Variants in BLTP3A observed in about 807,000 individuals in gnomAD.
BLTP3A encodes bridge-like lipid transfer protein family member 3A, also known as ICBP90 binding protein 1.
the BLTP3A span, among the ~76,000 whole-genome samples, chr6:34,860,802 C>T: frequency 1.3e-5 from 2 of 152,108 alleles, no homozygotes; most frequent in Non-Finnish European, 2.9e-5. Flanking sequence ...GCTGCCTTTT[C>T]TAAATGGAGA....
chr6:34,847,708 T>C, the BLTP3A span, among the ~76,000 whole-genome samples: 1 of 151,688 alleles, frequency 6.6e-6, no homozygotes. Flanking sequence ...GGGAAAAGTT[T>C]GTCAATTTTG....
At chr6:34,819,616 A>G in the BLTP3A span, among the ~76,000 whole-genome samples, 1 of 152,178 alleles carries the variant, frequency 6.6e-6, no homozygotes, top group Non-Finnish European at 1.5e-5. Context: ...ACACTGTCAT[A>G]TGATTATGAC....
chr6:34,844,787 C>G, the BLTP3A span, among the ~76,000 whole-genome samples: 3 of 152,122 alleles, frequency 2.0e-5, no homozygotes, highest in African/African-American at 7.2e-5. Context: ...CAAATGTTTT[C>G]TCCCATTCTG....
chr6:34,818,048 CG>C, the BLTP3A span, among the ~76,000 whole-genome samples: 1 of 151,802 alleles, frequency 6.6e-6, no homozygotes, highest in Non-Finnish European at 1.5e-5. Context: ...TTAGTAGAGA[CG>C]GGGTTTCACC....
the BLTP3A span, chr6:34,859,161 AAGT>A: frequency 3.7e-6 from 6 of 1,614,168 alleles, no homozygotes; most frequent in Non-Finnish European, 5.1e-6. Context: ...TCTTGGAGGA[AAGT>A]AGCATTGAAA....
chr6:34,872,408 T>C, the BLTP3A span: 1 of 1,612,556 alleles, frequency 6.2e-7, no homozygotes, highest in Non-Finnish European at 8.5e-7. Flanking sequence ...TTCAGGAGAT[T>C]AGGAAATATA....
chr6:34,836,451 C>T, the BLTP3A span: 9 of 1,135,506 alleles, frequency 7.9e-6, no homozygotes, highest in East Asian at 1.9e-4. Context: ...TTGTGGAGTA[C>T]TTTGGTTGGC....
chr6:34,849,624 A>G, the BLTP3A span, among the ~76,000 whole-genome samples: 10 of 152,102 alleles, frequency 6.6e-5, no homozygotes, highest in Non-Finnish European at 1.0e-4. Context: ...ACAGGGTTAT[A>G]ATATTCTGTG....
chr6:34,817,851 ATTTT>A, the BLTP3A span, among the ~76,000 whole-genome samples: 2 of 138,808 alleles, frequency 1.4e-5, no homozygotes, highest in Non-Finnish European at 1.5e-5. Context: ...ACGTGTAGGA[ATTTT>A]TTTTTTTTTT....
chr6:34,867,414 G>C, the BLTP3A span: 9 of 1,613,402 alleles, frequency 5.6e-6, no homozygotes, highest in Middle Eastern at 1.7e-4. Flanking sequence ...GCAGAGGGTA[G>C]GCTCTGGGCT....
chr6:34,821,921 A>T, the BLTP3A span: 1 of 1,614,250 alleles, frequency 6.2e-7, no homozygotes, highest in Non-Finnish European at 8.5e-7. Flanking sequence ...TTTCAGATCC[A>T]GTGGACAAAG....
the BLTP3A span, chr6:34,836,166 C>G: frequency 6.2e-7 from 1 of 1,614,026 alleles, no homozygotes; most frequent in Non-Finnish European, 8.5e-7. Context: ...ATCACTCCAC[C>G]AGCCCCCAGT....
chr6:34,858,843 G>T, the BLTP3A span: 2 of 1,614,164 alleles, frequency 1.2e-6, no homozygotes, highest in East Asian at 2.2e-5. Flanking sequence ...TCCGCGTGAG[G>T]CTTGACCACT....
At chr6:34,794,141 C>A in the BLTP3A span, among the ~76,000 whole-genome samples, 1 of 144,658 alleles carries the variant, frequency 6.9e-6, no homozygotes. Flanking sequence ...GCCTAGGTGA[C>A]AGAGCGAGAC....
chr6:34,837,070 A>G, the BLTP3A span, among the ~76,000 whole-genome samples: 1 of 152,254 alleles, frequency 6.6e-6, no homozygotes, highest in African/African-American at 2.4e-5. Flanking sequence ...GACCTTGATT[A>G]TAGGCTAATA....
chr6:34,842,854 T>C, the BLTP3A span, among the ~76,000 whole-genome samples: 1 of 152,180 alleles, frequency 6.6e-6, no homozygotes, highest in South Asian at 2.1e-4. Context: ...CAGAGTTATA[T>C]GGTGAGAGGT....
the BLTP3A span, among the ~76,000 whole-genome samples, chr6:34,869,929 A>G: frequency 6.6e-6 from 1 of 152,164 alleles, no homozygotes; most frequent in Admixed American, 6.5e-5. Flanking sequence ...GATTACAGGC[A>G]TGAGCCACTG....
chr6:34,854,952 AAG>A, the BLTP3A span, among the ~76,000 whole-genome samples: 1 of 152,254 alleles, frequency 6.6e-6, no homozygotes, highest in African/African-American at 2.4e-5. Context: ...TCTAATTGGA[AAG>A]AGATGATAGA....
chr6:34,850,278 G>A, the BLTP3A span, among the ~76,000 whole-genome samples: 1 of 152,054 alleles, frequency 6.6e-6, no homozygotes, highest in Non-Finnish European at 1.5e-5. Flanking sequence ...GCAGCTTTTA[G>A]GATCCTTTCT....
Sources: gnomAD v4.1 joint callset for allele counts (sites outside exome capture counted in the v4.1 genomes callset) on GRCh38, gnomAD v4.1.1 for gene constraint, MANE v1.5 for transcripts, NCBI Gene and HGNC (gene_info 2026-07-23, HGNC 2026-07-21) for gene names.